CRTC3: variants seen among roughly 807,000 people sequenced by gnomAD.
The protein encoded by CRTC3 is CREB regulated transcription coactivator 3.
In CRTC3, 26 loss-of-function variants were observed where a neutral mutation model predicts 74.5. That is an observed-to-expected ratio of 0.35 (90% CI 0.26 to 0.48). CRTC3 has a LOEUF of 0.48. Among genes scored for constraint, CRTC3 ranks in the 20% least tolerant of loss-of-function variants. The pLI, the probability that CRTC3 is intolerant of heterozygous loss-of-function variation, is 0.99. For synonymous variants in CRTC3, 377 were observed against 325.8 expected, an observed-to-expected ratio of 1.16 and a Z score of -1.69; for missense variants, 760 against 787.3, an observed-to-expected ratio of 0.97 and a Z score of 0.41.
At chr15:90,559,089 T>C (rs952110906) in intron 2 of CRTC3, among the ~76,000 whole-genome samples, 4 of 152,170 alleles carry the variant, frequency 2.6e-5, no homozygotes, top group Admixed American at 2.0e-4. Context: ...TTTTATATTC[T>C]GTCTCCTCCA....
At chr15:90,630,309 C>A (rs182160711) in intron 11 of CRTC3, among the ~76,000 whole-genome samples, 1 of 152,296 alleles carries the variant, frequency 6.6e-6, no homozygotes, top group East Asian at 1.9e-4. Flanking sequence ...ATGAATTAGA[C>A]CTCTTCCCTA....
intron 5 of CRTC3, among the ~76,000 whole-genome samples, chr15:90,606,601 C>G (rs1362959957): frequency 6.6e-6 from 1 of 151,846 alleles, no homozygotes; most frequent in African/African-American, 2.4e-5. Flanking sequence ...AATATTGAGG[C>G]CCTCAAAGAG....
chr15:90,597,449 A>G (rs1161306487), intron 3 of CRTC3, among the ~76,000 whole-genome samples: 1 of 152,154 alleles, frequency 6.6e-6, no homozygotes, highest in Non-Finnish European at 1.5e-5. Context: ...GACCTACTAG[A>G]GTTAGGAATG....
intron 2 of CRTC3, among the ~76,000 whole-genome samples, chr15:90,554,249 G>C (rs1362925347): frequency 1.3e-5 from 2 of 151,344 alleles, no homozygotes; most frequent in Non-Finnish European, 2.9e-5. Flanking sequence ...TGTCACCCAG[G>C]CTGGAGTGCA....
intron 2 of CRTC3, among the ~76,000 whole-genome samples, chr15:90,593,284 A>G (rs1330635560): frequency 6.6e-6 from 1 of 152,182 alleles, no homozygotes; most frequent in Non-Finnish European, 1.5e-5. Context: ...GTGGCTTGCC[A>G]GTTTCTTTCT....
chr15:90,614,635 C>T, intron 7 of CRTC3, 147 bp downstream of exon 7: 1 of 562,958 alleles, frequency 1.8e-6, no homozygotes. Flanking sequence ...CAGAGAGCCT[C>T]TAGAAAATTA....
chr15:90,548,400 G>A (rs1966848329), intron 2 of CRTC3, among the ~76,000 whole-genome samples: 1 of 152,200 alleles, frequency 6.6e-6, no homozygotes, highest in African/African-American at 2.4e-5. Flanking sequence ...GGAGGGCCAG[G>A]TCCAGCAAGG....
rs771541412 is a variant in CRTC3 at position 90,625,875 on chromosome 15, G to A, written c.849G>A (p.Ser283=). 53 of 1,613,912 alleles carry A rather than the reference G, an allele frequency of 3.3e-5. No individual in the cohort carries two copies. Among genetic ancestry groups the A allele is most frequent in the South Asian group, 2.0e-4 (18 of 91,082 alleles). The change falls in exon 10 of 15, where the codon TCG becomes TCA. Residue 283 remains serine (S), a synonymous_variant. Transcript: ENST00000268184. ...CAGATCTAACCAACCTCCACTACTCGACACCCCTGCCAGCCTCCCTGGACA... is the reference window on the plus strand; with the variant it reads ...CAGATCTAACCAACCTCCACTACTCAACACCCCTGCCAGCCTCCCTGGACA... ...SLPDLTNLHY[S]TPLPASLDTT... is the part of the protein sequence containing the mutation.
chr15:90,541,605 T>C (rs1031191814), intron 2 of CRTC3, among the ~76,000 whole-genome samples: 4 of 152,126 alleles, frequency 2.6e-5, no homozygotes, highest in Non-Finnish European at 5.9e-5. Flanking sequence ...GGTCTCTGCC[T>C]TATGCGGGAT....
intron 4 of CRTC3, among the ~76,000 whole-genome samples, chr15:90,603,186 G>A (rs1214184285): frequency 2.0e-5 from 3 of 152,026 alleles, no homozygotes; most frequent in South Asian, 2.1e-4. Context: ...GCTCATGCCT[G>A]TAATCCCAGC....
chr15:90,544,591 G>T (rs1405441606), intron 2 of CRTC3, among the ~76,000 whole-genome samples: 1 of 152,126 alleles, frequency 6.6e-6, no homozygotes, highest in Admixed American at 6.5e-5. Context: ...TGGCAATTAT[G>T]AATAAATATT....
intron 3 of CRTC3, chr15:90,598,258 G>A (rs933669151): frequency 5.0e-6 from 3 of 594,516 alleles, no homozygotes; most frequent in Non-Finnish European, 9.0e-6. Context: ...GGGAACCCTG[G>A]GCCTGCTCAC....
At chr15:90,574,372 G>A (rs1353506274) in intron 2 of CRTC3, among the ~76,000 whole-genome samples, 1 of 152,122 alleles carries the variant, frequency 6.6e-6, no homozygotes, top group Non-Finnish European at 1.5e-5. Context: ...CAGCTACTCA[G>A]GAGGCTGAGG....
rs779426178 is a variant in CRTC3, at chr15:90,629,411, C to T, written c.1145C>T (p.Pro382Leu). The part of the protein sequence containing the change: ...PSLSTTNLSG[P>L]SRRRQPPVSP... ...CTTTCCACCACAAACCTGAGCGGCC[C>T]GTCTCGGCGTCGGCAGCCTCCCGTC... is the stretch of plus-strand genomic sequence containing the variant. Residue 382 changes from proline to leucine, a missense_variant, in exon 11 of 15, where the codon CCG becomes CTG. Around this residue, in one of 2 missense-constraint regions of CRTC3, gnomAD observed 652 missense variants for 635.2 expected, o/e 1.03. Coordinates refer to ENST00000268184, the MANE Select transcript of CRTC3 (RefSeq NM_022769.5). The T allele has an allele frequency of 1.7e-5, 27 of 1,614,000 alleles. No individual in the cohort carries two copies. The highest frequency in any genetic ancestry group is 1.6e-4 in the Middle Eastern group (1 of 6,084).
At chr15:90,587,357 C>A (rs933278510) in intron 2 of CRTC3, among the ~76,000 whole-genome samples, 1 of 152,200 alleles carries the variant, frequency 6.6e-6, no homozygotes, top group African/African-American at 2.4e-5. Context: ...AAGATTCACA[C>A]GTCCTGTTTC....
At chr15:90,533,438 G>A (rs1463791559) in intron 1 of CRTC3, among the ~76,000 whole-genome samples, 14 of 145,484 alleles carry the variant, frequency 9.6e-5, no homozygotes, top group South Asian at 4.4e-4. Context: ...AAAAAAAAAA[G>A]GGAAGAAAGT....
At chr15:90,606,423 A>G (rs776226771) in intron 5 of CRTC3, among the ~76,000 whole-genome samples, 65 of 152,232 alleles carry the variant, frequency 4.3e-4, no homozygotes, top group Non-Finnish European at 7.5e-4. Context: ...TTAGCTGGGC[A>G]TGGTGACGCA....
chr15:90,578,957 TGCCTG>T (rs1371452038), intron 2 of CRTC3, among the ~76,000 whole-genome samples: 2 of 152,210 alleles, frequency 1.3e-5, no homozygotes, highest in African/African-American at 4.8e-5. Context: ...TCTTGCTGTG[TGCCTG>T]TGAGGTGTGG....
chr15:90,586,163 G>A (rs1302219032), intron 2 of CRTC3, among the ~76,000 whole-genome samples: 1 of 152,020 alleles, frequency 6.6e-6, no homozygotes, highest in Non-Finnish European at 1.5e-5. Flanking sequence ...GAGTCATCAT[G>A]AGGTCTGTCA....
Sources: gnomAD v4.1 joint callset for allele counts (sites outside exome capture counted in the v4.1 genomes callset) on GRCh38, gnomAD v4.1.1 for gene constraint, gnomAD v4.1.1 regional missense constraint, MANE v1.5 for transcripts, NCBI Gene and HGNC (gene_info 2026-07-23, HGNC 2026-07-21) for gene names.